Variants in SERTAD2 observed in about 807,000 individuals in gnomAD.
SERTAD2 encodes SERTA domain-containing protein 2.
Under a neutral mutation model 15.4 loss-of-function variants are expected in SERTAD2, and 2 were observed. The observed-to-expected ratio is 0.13, with a 90% CI of 0.05 to 0.41. SERTAD2 has a LOEUF of 0.41. SERTAD2 is among the 10% of genes least tolerant of loss of function. The pLI is 0.99. For synonymous variants in SERTAD2, 180 were observed against 178.0 expected, an observed-to-expected ratio of 1.01 and a Z score of -0.09; for missense variants, 333 against 409.7, an observed-to-expected ratio of 0.81 and a Z score of 1.62.
At chr2:64,653,194 G>A (rs1394600928) in intron 1 of SERTAD2, among the ~76,000 whole-genome samples, 1 of 152,142 alleles carries the variant, frequency 6.6e-6, no homozygotes, top group African/African-American at 2.4e-5. Flanking sequence ...CCCGGCCACG[G>A]AACTCAAAAG....
intron 1 of SERTAD2, among the ~76,000 whole-genome samples, chr2:64,643,743 G>T (rs1303304029): frequency 6.6e-6 from 1 of 152,174 alleles, no homozygotes; most frequent in Non-Finnish European, 1.5e-5. Flanking sequence ...GCGGGTACCT[G>T]TAGTCCCAGC....
intron 1 of SERTAD2, among the ~76,000 whole-genome samples, chr2:64,648,232 T>C (rs1275764206): frequency 6.6e-6 from 1 of 152,238 alleles, no homozygotes; most frequent in Non-Finnish European, 1.5e-5. Context: ...CCCATGTAAG[T>C]AACCTACATG....
intron 1 of SERTAD2, among the ~76,000 whole-genome samples, chr2:64,652,419 C>G (rs1675031873): frequency 6.6e-6 from 1 of 152,222 alleles, no homozygotes. Context: ...CCACTTCACT[C>G]TTGTCAGGGA....
Position 64,636,297 on chromosome 2 carries a change from G to A in SERTAD2, c.575C>T (p.Ala192Val), listed in dbSNP as rs765626048. The A allele has an allele frequency of 1.1e-5, 17 of 1,614,050 alleles. No homozygotes were observed. Among genetic ancestry groups the A allele is most frequent in the Middle Eastern group, 1.6e-4 (1 of 6,084 alleles). ...GGAGGTCCCTTTCACACTGTCAGTCGCAGCCGTGGCCGCCTCTGTGGAGGT... is the reference window on the plus strand; with the variant it reads ...GGAGGTCCCTTTCACACTGTCAGTCACAGCCGTGGCCGCCTCTGTGGAGGT... ...TSTSTEAATA[A>V]TDSVKGTSSE... The change falls in exon 2 of 2, where the codon GCG (alanine) becomes GTG (valine). Residue 192 changes from alanine to valine, a missense_variant. Physicochemically the swap from Ala to Val is moderately conservative, Grantham distance 64. Coordinates refer to ENST00000313349, the MANE Select transcript of SERTAD2 (RefSeq NM_014755.3).
chr2:64,635,914 G>C lies in SERTAD2; in HGVS notation c.*13C>G. The stretch of plus-strand genomic sequence containing the variant: ...TGGGGTCTGGGTGGGCATAGTCGCT[G>C]GGTCCCTGGGTCTTAGGACCCAACA... On this transcript the variant is annotated 3_prime_UTR_variant, in exon 2 of 2. Transcript: ENST00000313349. The C allele has an allele frequency of 2.5e-6, 4 of 1,595,758 alleles. No homozygotes were observed. The highest frequency in any genetic ancestry group is 2.6e-6 in the Non-Finnish European group (3 of 1,164,746).
intron 1 of SERTAD2, among the ~76,000 whole-genome samples, chr2:64,647,254 A>T (rs1573090733): frequency 6.6e-6 from 1 of 152,250 alleles, no homozygotes; most frequent in East Asian, 1.9e-4. Context: ...GAGTCTCCAC[A>T]TTTGAAAATT....
In SERTAD2 at chr2:64,636,666, A is replaced by G; in HGVS notation, c.206T>C (p.Leu69Ser). Residue 69 changes from leucine to serine, a missense_variant, in exon 2 of 2, where the codon TTG becomes TCG. This residue lies in a region of SERTAD2 where 332 missense variants were observed against 392.9 expected (regional missense o/e 0.84). Transcript: ENST00000313349. ...LQKTVLINNM[L>S]RRIQEELKQE... ...TTTGAGTTCCTCCTGGATCCGCCTC[A>G]ACATGTTGTTAATTAAAACGGTCTT... The G allele has an allele frequency of 6.2e-7, 1 of 1,614,076 alleles. No individual in the cohort carries two copies. The highest frequency in any genetic ancestry group is 8.5e-7 in the Non-Finnish European group (1 of 1,180,012).
At position 64,632,243 on chromosome 2, in the gene SERTAD2, C is replaced by CTTTTTTT. The variant is rs11366694; in HGVS notation, c.*3677_*3683dup. The CTTTTTTT allele has an allele frequency of 7.2e-6, 1 of 139,080 alleles. No individual in the cohort carries two copies. The allele number at this position is 139,080 out of a possible 1,614,324, so 8.6% of individuals were successfully genotyped here. A position where few individuals can be genotyped will look rare whatever the true frequency, so the allele number is the denominator to read the frequency against. On this transcript the variant is annotated 3_prime_UTR_variant, in exon 2 of 2. Transcript: ENST00000313349. ...TAGCAATTGCTGCACGAAGTAGAGTCTTTTTTTTTTTTTTTTTTACATTTG... is the reference window on the plus strand; with the variant it reads ...TAGCAATTGCTGCACGAAGTAGAGTCTTTTTTTTTTTTTTTTTTTTTTTTTACATTTG...
Position 64,636,831 on chromosome 2 carries a change from T to C in SERTAD2, c.41A>G (p.Glu14Gly), listed in dbSNP as rs1386999475. Residue 14 changes from glutamate (E) to glycine (G), a missense_variant, in exon 2 of 2, where the codon GAA (glutamate) becomes GGA (glycine). Physicochemically the swap from Glu to Gly is moderately conservative, Grantham distance 98. Coordinates refer to ENST00000313349, the MANE Select transcript of SERTAD2 (RefSeq NM_014755.3). ...CACGATTTTGCCTTCCAGCCCATCT[T>C]CATGCTCATCAAACTTCCGTTTTCC... ...KGGKRKFDEH[E>G]DGLEGKIVSP... The C allele has an allele frequency of 6.2e-7, 1 of 1,613,890 alleles. No homozygotes were observed. The highest frequency in any genetic ancestry group is 8.5e-7 in the Non-Finnish European group (1 of 1,179,886).
intron 1 of SERTAD2, among the ~76,000 whole-genome samples, chr2:64,643,098 C>G (rs1011414925): frequency 6.6e-6 from 1 of 152,170 alleles, no homozygotes; most frequent in Non-Finnish European, 1.5e-5. Flanking sequence ...GTCCTGCACC[C>G]CTGGGGCTTG....
At chr2:64,643,096 C>T (rs1454238887) in intron 1 of SERTAD2, among the ~76,000 whole-genome samples, 1 of 152,212 alleles carries the variant, frequency 6.6e-6, no homozygotes, top group Non-Finnish European at 1.5e-5. Flanking sequence ...TGGTCCTGCA[C>T]CCCTGGGGCT....
At chr2:64,644,795 C>G (rs535170503) in intron 1 of SERTAD2, 3 of 152,494 alleles carry the variant, frequency 2.0e-5, no homozygotes, top group East Asian at 3.9e-4. Flanking sequence ...TGTCCTGACA[C>G]TGCAGCAGGC....
At chr2:64,649,121 A>G (rs1193069840) in intron 1 of SERTAD2, among the ~76,000 whole-genome samples, 2 of 152,250 alleles carry the variant, frequency 1.3e-5, no homozygotes, top group African/African-American at 2.4e-5. Context: ...TGCCAGCTCG[A>G]TATCTCATTA....
Position 64,636,076 on chromosome 2 carries a change from C to T in SERTAD2, c.796G>A (p.Gly266Arg). Residue 266 changes from glycine (G) to arginine (R), a missense_variant, in exon 2 of 2, where the codon GGG becomes AGG. Physicochemically the swap from Gly to Arg is moderately radical, Grantham distance 125. Coordinates refer to ENST00000313349, the MANE Select transcript of SERTAD2 (RefSeq NM_014755.3). ...ACAGGGGCCATTTTTGAGGCTGTCCCTGATGAGGAAGTGCAGGGGTCAAAA... is the reference window on the plus strand; with the variant it reads ...ACAGGGGCCATTTTTGAGGCTGTCCTTGATGAGGAAGTGCAGGGGTCAAAA... ...YDFDPCTSSS[G>R]TASKMAPVSA... is the part of the protein sequence containing the mutation. 6.2e-7 allele frequency: 1 copy of T among 1,614,126 alleles called. No homozygotes were observed. The highest frequency in any genetic ancestry group is 8.5e-7 in the Non-Finnish European group (1 of 1,180,018).
chr2:64,641,750 G>C (rs1674782561), intron 1 of SERTAD2, among the ~76,000 whole-genome samples: 1 of 152,184 alleles, frequency 6.6e-6, no homozygotes, highest in Non-Finnish European at 1.5e-5. Flanking sequence ...TTACAGGCGG[G>C]ATCAGGGTCG....
chr2:64,647,985 A>G (rs187694989), intron 1 of SERTAD2, among the ~76,000 whole-genome samples: 12 of 152,350 alleles, frequency 7.9e-5, no homozygotes, highest in Admixed American at 7.2e-4. Flanking sequence ...AATACAGAAC[A>G]TATTTCATCT....
chr2:64,650,998 T>A (rs527990932), intron 1 of SERTAD2, among the ~76,000 whole-genome samples: 1 of 152,306 alleles, frequency 6.6e-6, no homozygotes, highest in Non-Finnish European at 1.5e-5. Flanking sequence ...ACTAGAGCTA[T>A]CTCCTATAGG....
rs753926202 is a variant in SERTAD2, at chr2:64,634,110, G to GACA, written c.*1814_*1816dup. On this transcript the variant is annotated 3_prime_UTR_variant, in exon 2 of 2. Transcript: ENST00000313349. ...ATATTGACAAATGACCAACAACAAA[G>GACA]ACAACAACAACAACAAAACATCCCA... 5.3e-5 allele frequency: 8 copies of GACA among 152,016 alleles called. No homozygotes were observed. Among genetic ancestry groups the GACA allele is most frequent in the Admixed American group, 4.6e-4 (7 of 15,234 alleles). 9.4% of individuals were successfully genotyped at this position (152,016 alleles called of 1,614,324 possible).
chr2:64,643,182 A>G (rs1291844786), intron 1 of SERTAD2, among the ~76,000 whole-genome samples: 3 of 152,192 alleles, frequency 2.0e-5, no homozygotes, highest in Non-Finnish European at 4.4e-5. Flanking sequence ...TAGAAGCCCA[A>G]CTGGTTTGTA....
Sources: gnomAD v4.1 joint callset for allele counts (sites outside exome capture counted in the v4.1 genomes callset) on GRCh38, gnomAD v4.1.1 for gene constraint, gnomAD v4.1.1 regional missense constraint, MANE v1.5 for transcripts, NCBI Gene and HGNC (gene_info 2026-07-23, HGNC 2026-07-21) for gene names.